The following IL1RAPL2 variants were observed in gnomAD, a reference collection of about 807,000 sequenced individuals.
The protein encoded by IL1RAPL2 is interleukin 1 receptor accessory protein like 2.
In IL1RAPL2, 3 loss-of-function variants were observed where a neutral mutation model predicts 44.1. That is an observed-to-expected ratio of 0.07 (90% CI 0.03 to 0.18). The LOEUF (loss-of-function observed/expected upper bound fraction) is 0.18, where lower values mean the gene tolerates loss of function less well. Among genes scored for constraint, IL1RAPL2 ranks in the 10% least tolerant of loss-of-function variants. The probability of loss-of-function intolerance (pLI) is 1.00; values close to 1 mark genes in which losing one functional copy is unlikely to be tolerated. For missense variants in IL1RAPL2, 391 were observed against 496.4 expected (o/e 0.79, Z 2.02); for synonymous variants, 181 against 178.8 (o/e 1.01, Z -0.10).
chrX:104,640,426 G>T (rs1228732321), intron 1 of IL1RAPL2, among the ~76,000 whole-genome samples: 6 of 111,373 alleles, frequency 5.4e-5, no homozygotes, highest in South Asian at 7.3e-4. Flanking sequence ...TATCTGAGTT[G>T]TATTGTACCT....
chrX:104,862,518 G>A (rs1922520473), intron 2 of IL1RAPL2, among the ~76,000 whole-genome samples: 1 of 110,356 alleles, frequency 9.1e-6, no homozygotes, highest in African/African-American at 3.3e-5. Context: ...TGAAAACATA[G>A]GAAAAAGACT....
intron 2 of IL1RAPL2, among the ~76,000 whole-genome samples, chrX:104,675,775 T>G (rs200283378): frequency 0.011 from 1,210 of 110,038 alleles, 40 homozygotes; most frequent in East Asian, 0.083. Context: ...TTATGAATCT[T>G]GGTGCTCCTG....
intron 2 of IL1RAPL2, among the ~76,000 whole-genome samples, chrX:104,942,828 G>A (rs1157686955): frequency 9.0e-6 from 1 of 111,216 alleles, no homozygotes; most frequent in African/African-American, 3.3e-5. Context: ...ATTGGCTGTG[G>A]GTTTGTCATA....
Position 104,630,835 on chromosome X carries a change from T to TC in IL1RAPL2, c.-19-28059dup, listed in dbSNP as rs1295900410. Among the ~76,000 whole-genome samples the TC allele has an allele frequency of 2.8e-4, 31 of 111,310 alleles. 1 individual carries two copies. Among genetic ancestry groups the TC allele is most frequent in the Admixed American group, 1.7e-3 (18 of 10,462 alleles). On this transcript the variant is annotated intron_variant, in intron 1 of 10. Coordinates refer to ENST00000372582, the MANE Select transcript of IL1RAPL2 (RefSeq NM_017416.2). ...GTCTCATTCATTAGTGTTTTTTTTTTCAAGCTTCTTTTTTTTATTATACTT... is the reference window on the plus strand; with the variant it reads ...GTCTCATTCATTAGTGTTTTTTTTTTCCAAGCTTCTTTTTTTTATTATACTT...
intron 2 of IL1RAPL2, among the ~76,000 whole-genome samples, chrX:104,810,377 C>T (rs1264837799): frequency 9.1e-6 from 1 of 110,388 alleles, no homozygotes; most frequent in Non-Finnish European, 1.9e-5. Context: ...AACTAACCTG[C>T]ACATTGTGCA....
intron 2 of IL1RAPL2, among the ~76,000 whole-genome samples, chrX:105,073,573 C>T (rs1201910132): frequency 9.0e-6 from 1 of 111,121 alleles, no homozygotes; most frequent in Non-Finnish European, 1.9e-5. Context: ...AATGGGCTGG[C>T]TGTGTCAAAT....
intron 2 of IL1RAPL2, among the ~76,000 whole-genome samples, chrX:104,720,892 CAAAAG>C: frequency 9.0e-6 from 1 of 111,168 alleles, no homozygotes; most frequent in Middle Eastern, 4.6e-3. Flanking sequence ...AGGCACTACT[CAAAAG>C]AAGACATTCA....
chrX:105,034,055 G>T lies in IL1RAPL2; in HGVS notation c.83-161420G>T, dbSNP rs183710838. Among the ~76,000 whole-genome samples, 213 of 112,108 alleles carry T rather than the reference G, an allele frequency of 1.9e-3. 4 individuals are homozygous for T. In the East Asian group the frequency reaches 0.044, roughly 23 times the overall value. On this transcript the variant is annotated intron_variant, in intron 2 of 10. Transcript: ENST00000372582. ...TCTGCATTCTTCACGTAGTTCTGGA[G>T]CCTTGGCTTTCAGCTCCATCAGTTC...
At chrX:105,005,197 T>C (rs2030920156) in intron 2 of IL1RAPL2, among the ~76,000 whole-genome samples, 1 of 111,442 alleles carries the variant, frequency 9.0e-6, no homozygotes, top group African/African-American at 3.3e-5. Flanking sequence ...TCCAACTAGA[T>C]TGTAAGTTTA....
At chrX:105,613,804 C>T (rs941270237) in intron 6 of IL1RAPL2, among the ~76,000 whole-genome samples, 5 of 111,424 alleles carry the variant, frequency 4.5e-5, no homozygotes, top group South Asian at 3.8e-4. Flanking sequence ...GGTTTGAGTG[C>T]GACCTCATCT....
intron 1 of IL1RAPL2, among the ~76,000 whole-genome samples, chrX:104,582,845 T>TTTCTTTCTTTCTTTCTTTCTTTCC: frequency 1.2e-5 from 1 of 86,374 alleles, no homozygotes; most frequent in Non-Finnish European, 2.2e-5. Context: ...TCTTTCTTTC[T>TTTCTTTCTTTCTTTCTTTCTTTCC]TTCTTTCTTT....
intron 2 of IL1RAPL2, among the ~76,000 whole-genome samples, chrX:104,711,612 T>G (rs1931457882): frequency 9.2e-6 from 1 of 109,239 alleles, no homozygotes; most frequent in South Asian, 3.9e-4. Flanking sequence ...TAGAGGCTAG[T>G]GGCATGAGAA....
intron 1 of IL1RAPL2, among the ~76,000 whole-genome samples, chrX:104,607,062 C>G (rs1226299689): frequency 1.8e-5 from 2 of 111,409 alleles, no homozygotes; most frequent in African/African-American, 6.5e-5. Flanking sequence ...TGGAACAGAA[C>G]AGAGGCCTCG....
chrX:105,413,787 AT>A (rs1457011526), intron 5 of IL1RAPL2, among the ~76,000 whole-genome samples: 7 of 112,380 alleles, frequency 6.2e-5, no homozygotes, highest in African/African-American at 2.3e-4. Context: ...ATAGGCCTGC[AT>A]TGTCCAGTAT....
intron 2 of IL1RAPL2, among the ~76,000 whole-genome samples, chrX:104,883,266 G>A (rs188157104): frequency 3.6e-5 from 4 of 111,291 alleles, no homozygotes; most frequent in Non-Finnish European, 7.5e-5. Flanking sequence ...GGCACCTGTC[G>A]GCCAGTTAAA....
intron 6 of IL1RAPL2, among the ~76,000 whole-genome samples, chrX:105,523,736 C>G (rs1445771050): frequency 9.1e-6 from 1 of 110,359 alleles, no homozygotes; most frequent in Non-Finnish European, 1.9e-5. Context: ...TAGATAAACG[C>G]TAGGATACAT....
At chrX:104,620,498 G>A (rs1321480544) in intron 1 of IL1RAPL2, among the ~76,000 whole-genome samples, 1 of 106,879 alleles carries the variant, frequency 9.4e-6, no homozygotes, top group African/African-American at 3.4e-5. Context: ...AGATTAGCGG[G>A]GCATGGTGGC....
chrX:105,646,928 G>C (rs923027846), intron 6 of IL1RAPL2, among the ~76,000 whole-genome samples: 31 of 112,504 alleles, frequency 2.8e-4, no homozygotes, highest in Middle Eastern at 4.6e-3. Context: ...CCAAGATGGT[G>C]GTGGGCCGCT....
chrX:105,019,454 G>C (rs1419448246), intron 2 of IL1RAPL2, among the ~76,000 whole-genome samples: 2 of 111,636 alleles, frequency 1.8e-5, no homozygotes, highest in East Asian at 5.7e-4. Flanking sequence ...CAATTAGAAA[G>C]TCAGTAGAAT....
Sources: gnomAD v4.1 joint callset for allele counts (sites outside exome capture counted in the v4.1 genomes callset) on GRCh38, gnomAD v4.1.1 for gene constraint, MANE v1.5 for transcripts, NCBI Gene and HGNC (gene_info 2026-07-23, HGNC 2026-07-21) for gene names.